Variants in TF observed in about 807,000 individuals in gnomAD.
TF encodes the protein serotransferrin.
Under a neutral mutation model 82.4 loss-of-function variants are expected in TF, and 55 were observed. That is an observed-to-expected ratio of 0.67 (90% CI 0.54 to 0.84). TF has a LOEUF of 0.84. Among genes scored for constraint, TF ranks in the 40% least tolerant of loss-of-function variants. The probability of loss-of-function intolerance (pLI) is 0.00; values close to 1 mark genes in which losing one functional copy is unlikely to be tolerated. For missense variants in TF, 737 were observed against 868.4 expected, an observed-to-expected ratio of 0.85 and a Z score of 1.90; for synonymous variants, 332 against 332.6, an observed-to-expected ratio of 1.00 and a Z score of 0.02.
rs183505879 is a variant in TF at position 133,781,173 on chromosome 3, G to C, written c.*2553G>C. 1 of 151,128 alleles carries C rather than the reference G, an allele frequency of 6.6e-6. No homozygotes were observed. The highest frequency in any genetic ancestry group is 1.5e-5 in the Non-Finnish European group (1 of 67,828). The allele number at this position is 151,128 out of a possible 1,614,324, so 9.4% of individuals were successfully genotyped here. On this transcript the variant is annotated 3_prime_UTR_variant, in exon 17 of 17. Transcript: ENST00000402696. ...TCTCTACTTAAAATAAAAATTAGCC[G>C]GGCGTAGTGGTGCATGCCTGTAATC...
At chr3:133,723,440 T>G in the TF span, among the ~76,000 whole-genome samples, 1 of 151,008 alleles carries the variant, frequency 6.6e-6, no homozygotes, top group African/African-American at 2.4e-5. Flanking sequence ...TGGTGTCCCA[T>G]AAGTACCATA....
chr3:133,759,414 G>A, intron 9 of TF, 85 bp downstream of exon 9: 1 of 1,567,136 alleles, frequency 6.4e-7, no homozygotes, highest in Non-Finnish European at 8.7e-7. Context: ...GTGTTCCTGG[G>A]AATGATGCAA....
chr3:133,738,446 T>C, the TF span, among the ~76,000 whole-genome samples: 2 of 152,164 alleles, frequency 1.3e-5, no homozygotes, highest in African/African-American at 4.8e-5. Context: ...CAACATAGTA[T>C]TGAAAGTTCT....
At chr3:133,703,278 A>G in the TF span, among the ~76,000 whole-genome samples, 1 of 152,196 alleles carries the variant, frequency 6.6e-6, no homozygotes, top group Admixed American at 6.5e-5. Flanking sequence ...TTTAGTCTTC[A>G]TGATAAACCT....
At chr3:133,751,229 CTTTT>C (rs59638732) in intron 2 of TF, among the ~76,000 whole-genome samples, 53 of 95,978 alleles carry the variant, frequency 5.5e-4, no homozygotes, top group African/African-American at 2.1e-3. Context: ...TAAGATTCCA[CTTTT>C]TTTTTTTTTT....
intron 13 of TF, among the ~76,000 whole-genome samples, chr3:133,769,160 T>C (rs937154766): frequency 1.3e-5 from 2 of 152,182 alleles, no homozygotes; most frequent in Admixed American, 6.5e-5. Flanking sequence ...CATGAATCCA[T>C]GAACTGCACA....
the TF span, among the ~76,000 whole-genome samples, chr3:133,730,471 C>T: frequency 6.6e-6 from 1 of 152,126 alleles, no homozygotes; most frequent in Non-Finnish European, 1.5e-5. Context: ...GTGGTTCTAC[C>T]ACCAATTTTC....
chr3:133,673,075 A>G, the TF span, among the ~76,000 whole-genome samples: 1 of 152,186 alleles, frequency 6.6e-6, no homozygotes, highest in Non-Finnish European at 1.5e-5. Flanking sequence ...CTTCTACTCA[A>G]TTTTGTATTA....
At chr3:133,677,794 C>T in the TF span, among the ~76,000 whole-genome samples, 3 of 151,968 alleles carry the variant, frequency 2.0e-5, no homozygotes, top group South Asian at 2.1e-4. Context: ...AGCGATCCTC[C>T]TATCTCACCC....
At chr3:133,713,074 C>G in the TF span, among the ~76,000 whole-genome samples, 1 of 152,224 alleles carries the variant, frequency 6.6e-6, no homozygotes, top group Non-Finnish European at 1.5e-5. Flanking sequence ...TCTAGTTCTA[C>G]TTTTGCCACT....
the TF span, among the ~76,000 whole-genome samples, chr3:133,724,043 T>C: frequency 1.3e-5 from 2 of 152,224 alleles, no homozygotes; most frequent in Non-Finnish European, 2.9e-5. Flanking sequence ...ATTTTCTTAA[T>C]CCAGTCAATC....
the TF span, among the ~76,000 whole-genome samples, chr3:133,729,879 G>T: frequency 6.6e-6 from 1 of 152,026 alleles, no homozygotes; most frequent in Admixed American, 6.5e-5. Context: ...TTGTTTTCCT[G>T]ATTTCATTGA....
rs900868718 is a variant in TF at position 133,777,174 on chromosome 3, T to C, written c.1998T>C (p.Tyr666=). Residue 666 remains tyrosine (Y), a synonymous_variant, in exon 16 of 17, where the codon TAT becomes TAC. Coordinates refer to ENST00000402696, the MANE Select transcript of TF (RefSeq NM_001063.4). The part of the protein sequence containing the change: ...CLAKLHDRNT[Y]EKYLGEEYVK... ...CCAAACTTCATGACAGAAACACATA[T>C]GAAAAATACTTAGGAGAAGAATATG... 15 of 1,614,096 alleles carry C rather than the reference T, an allele frequency of 9.3e-6. No homozygotes were observed. Among genetic ancestry groups the C allele is most frequent in the Non-Finnish European group, 1.3e-5 (15 of 1,180,022 alleles).
chr3:133,731,369 T>C, the TF span, among the ~76,000 whole-genome samples: 1 of 152,296 alleles, frequency 6.6e-6, no homozygotes, highest in Admixed American at 6.5e-5. Flanking sequence ...TACAGGACAG[T>C]GGGGACAGCT....
At chr3:133,679,512 C>A in the TF span, among the ~76,000 whole-genome samples, 3 of 142,614 alleles carry the variant, frequency 2.1e-5, no homozygotes, top group South Asian at 6.7e-4. Context: ...AGATAAGTTT[C>A]GTCTTTTCTA....
intron 2 of TF, among the ~76,000 whole-genome samples, chr3:133,751,473 C>T (rs960810787): frequency 4.6e-5 from 7 of 152,072 alleles, no homozygotes; most frequent in East Asian, 1.9e-4. Context: ...CCTCGTGATC[C>T]GCCCGTCTCG....
At chr3:133,736,168 G>A in the TF span, among the ~76,000 whole-genome samples, 4 of 152,262 alleles carry the variant, frequency 2.6e-5, no homozygotes, top group Non-Finnish European at 1.5e-5. Context: ...TTAAAGAAAG[G>A]AATTTTCAAC....
intron 2 of TF, among the ~76,000 whole-genome samples, chr3:133,752,320 A>G (rs918981150): frequency 1.3e-5 from 2 of 151,936 alleles, no homozygotes; most frequent in Non-Finnish European, 2.9e-5. Context: ...CTGGTCTCGA[A>G]CTCCTAACCT....
chr3:133,775,526 C>T lies in TF; in HGVS notation c.1781C>T (p.Ala594Val), dbSNP rs1341678783. The T allele has an allele frequency of 1.1e-5, 17 of 1,614,014 alleles. No homozygotes were observed. Among genetic ancestry groups the T allele is most frequent in the Middle Eastern group, 1.6e-4 (1 of 6,084 alleles). The change falls in exon 15 of 17, where the codon GCG (alanine) becomes GTG (valine). Residue 594 changes from alanine to valine, a missense_variant. Ala to Val is a moderately conservative substitution (Grantham distance 64). Coordinates refer to ENST00000402696, the MANE Select transcript of TF (RefSeq NM_001063.4). ...ACCAGGAAACCTGTGGAGGAGTATG[C>T]GAACTGCCACCTGGCCAGAGCCCCG... ...DGTRKPVEEY[A>V]NCHLARAPNH... is the part of the protein sequence containing the mutation.
Sources: allele counts gnomAD v4.1 joint callset (sites outside exome capture counted in the v4.1 genomes callset), GRCh38; gene constraint gnomAD v4.1.1; transcripts MANE v1.5; gene names NCBI Gene and HGNC (gene_info 2026-07-23, HGNC 2026-07-21).